The following AKAP7 variants were observed in gnomAD, a reference collection of about 807,000 sequenced individuals.
The protein encoded by AKAP7 is A kinase (PRKA) anchor protein 7.
AKAP7 carries 39 observed loss-of-function variants against 39.5 expected under a neutral mutation model. That is an observed-to-expected ratio of 0.99 (90% CI 0.76 to 1.29). The LOEUF (loss-of-function observed/expected upper bound fraction) is 1.29, where lower values mean the gene tolerates loss of function less well. Ranked by LOEUF, AKAP7 falls within the 50% of genes most tolerant of loss-of-function variation. The pLI is 0.00. For missense variants in AKAP7, 414 were observed against 407.7 expected (o/e 1.02, Z -0.13); for synonymous variants, 140 against 139.1 (o/e 1.01, Z -0.05).
At chr6:131,271,605 A>C (rs1562257628) in intron 7 of AKAP7, among the ~76,000 whole-genome samples, 1 of 152,104 alleles carries the variant, frequency 6.6e-6, no homozygotes, top group Non-Finnish European at 1.5e-5. Flanking sequence ...GCTGGAGTGC[A>C]GTAGTGCCGT....
At chr6:131,261,160 C>A (rs553612748) in intron 7 of AKAP7, among the ~76,000 whole-genome samples, 1 of 149,136 alleles carries the variant, frequency 6.7e-6, no homozygotes, top group Non-Finnish European at 1.5e-5. Flanking sequence ...TGCACCATTG[C>A]GCAACAAGAG....
intron 7 of AKAP7, among the ~76,000 whole-genome samples, chr6:131,241,617 G>GTATATATACGTATATATATATA (rs1562238097): frequency 9.3e-5 from 9 of 97,216 alleles, no homozygotes; most frequent in African/African-American, 3.2e-4. Context: ...GTGTGTGTGT[G>GTATATATACGTATATATATATA]TGTGTGTGTG....
intron 7 of AKAP7, among the ~76,000 whole-genome samples, chr6:131,234,065 T>C (rs1397425544): frequency 6.6e-6 from 1 of 152,218 alleles, no homozygotes; most frequent in African/African-American, 2.4e-5. Context: ...TTAGGATTCA[T>C]TGATACTGCC....
At chr6:131,238,289 G>C (rs1269533537) in intron 7 of AKAP7, among the ~76,000 whole-genome samples, 4 of 152,132 alleles carry the variant, frequency 2.6e-5, no homozygotes, top group Non-Finnish European at 5.9e-5. Flanking sequence ...TATAATTTCT[G>C]TTCTTTTACA....
At chr6:131,151,845 CAAG>C (rs1433346489) in intron 2 of AKAP7, among the ~76,000 whole-genome samples, 5 of 152,096 alleles carry the variant, frequency 3.3e-5, no homozygotes, top group Non-Finnish European at 7.4e-5. Flanking sequence ...GCCTAAATAA[CAAG>C]AAAAAATAAA....
At chr6:131,141,899 C>CTTTTTTTTTTTTTT (rs773131426) in intron 1 of AKAP7, among the ~76,000 whole-genome samples, 1 of 116,234 alleles carries the variant, frequency 8.6e-6, no homozygotes. Flanking sequence ...TTCTTTCTTT[C>CTTTTTTTTTTTTTT]TTTTTTTTTT....
At chr6:131,247,188 G>A (rs1046452546) in intron 7 of AKAP7, among the ~76,000 whole-genome samples, 8 of 144,802 alleles carry the variant, frequency 5.5e-5, no homozygotes, top group Non-Finnish European at 1.0e-4. Flanking sequence ...TTCACTTAAT[G>A]CTTATGAAAA....
At position 131,219,807 on chromosome 6, in the gene AKAP7, T is replaced by G. The variant is rs765730212; in HGVS notation, c.849T>G (p.Ile283Met). 3.3e-6 allele frequency: 5 copies of G among 1,503,948 alleles called. No individual in the cohort carries two copies. The allele number at this position is 1,503,948 out of a possible 1,614,324, so 93.2% of individuals were successfully genotyped here. A position where few individuals can be genotyped will look rare whatever the true frequency, so the allele number is the denominator to read the frequency against. ...GYYHCESSIV[I>M]GEKNGGEPDD... ...ATCACTGTGAATCTTCCATTGTGAT[T>G]GGTGAGTGTCATTTAAAAATTATTT... Residue 283 changes from isoleucine to methionine, a missense_variant and splice_region_variant, in exon 7 of 8, where the codon ATT becomes ATG. Coordinates refer to ENST00000431975, the MANE Select transcript of AKAP7 (RefSeq NM_016377.4).
chr6:131,215,457 G>A (rs1809085258), intron 6 of AKAP7, among the ~76,000 whole-genome samples: 1 of 152,256 alleles, frequency 6.6e-6, no homozygotes, highest in African/African-American at 2.4e-5. Context: ...ACAGGCTGGG[G>A]TGGAACTGAG....
Position 131,271,770 on chromosome 6 carries a change from G to A in AKAP7, c.851-9760G>A, listed in dbSNP as rs140440313. ...GAGTCAAATGACAGGGTAACCATTC[G>A]TAGGGAGTCTGTTTAGAATAAAAAA... On this transcript the variant is annotated intron_variant, in intron 7 of 7. Coordinates refer to ENST00000431975, the MANE Select transcript of AKAP7 (RefSeq NM_016377.4). Among the ~76,000 whole-genome samples the A allele has an allele frequency of 2.8e-4, 42 of 152,254 alleles. No individual in the cohort carries two copies. In the East Asian group the frequency reaches 7.5e-3, roughly 27 times the overall value.
chr6:131,281,515 T>A lies in AKAP7; in HGVS notation c.851-15T>A, dbSNP rs750425273. The A allele has an allele frequency of 5.0e-6, 8 of 1,585,934 alleles. No homozygotes were observed. Among genetic ancestry groups the A allele is most frequent in the Non-Finnish European group, 6.0e-6 (7 of 1,165,490 alleles). ...TGTGATCTCAGTGACCTCTCTTCTC[T>A]ATTGTGGAATGTAGGTGAAAAGAAC... On this transcript the variant is annotated splice_polypyrimidine_tract_variant and intron_variant, in intron 7 of 7. Transcript: ENST00000431975. The surrounding 1 kb of genome is among the most constrained non-coding windows in gnomAD (Gnocchi z 4.0).
chr6:131,219,553 G>T, intron 6 of AKAP7, 108 bp from the exon 7 acceptor site: 1 of 986,328 alleles, frequency 1.0e-6, no homozygotes, highest in Non-Finnish European at 1.5e-6. Context: ...GTAGGCAGTG[G>T]TGTAACAATG....
chr6:131,259,504 A>G (rs1311940062), intron 7 of AKAP7, among the ~76,000 whole-genome samples: 1 of 152,202 alleles, frequency 6.6e-6, no homozygotes, highest in African/African-American at 2.4e-5. Flanking sequence ...GTTGTTTTGT[A>G]TGGCTCTAGG....
At chr6:131,150,154 T>C (rs190173253) in intron 2 of AKAP7, among the ~76,000 whole-genome samples, 158 of 152,276 alleles carry the variant, frequency 1.0e-3, no homozygotes, top group African/African-American at 3.4e-3. Context: ...TTGATTTTCT[T>C]TTTTTTGTGT....
At chr6:131,158,561 G>A (rs1287855249) in intron 2 of AKAP7, among the ~76,000 whole-genome samples, 1 of 152,174 alleles carries the variant, frequency 6.6e-6, no homozygotes, top group Non-Finnish European at 1.5e-5. Flanking sequence ...AGGCTGGAGT[G>A]CAGTGGCATC....
intron 5 of AKAP7, chr6:131,185,105 C>T (rs1027806129): frequency 1.1e-5 from 7 of 653,024 alleles, no homozygotes; most frequent in Middle Eastern, 2.6e-4. Context: ...TACCTCGCTT[C>T]CCCAGGGGGT....
chr6:131,165,321 C>T, intron 4 of AKAP7, 104 bp downstream of exon 4: 1 of 782,494 alleles, frequency 1.3e-6, no homozygotes, highest in East Asian at 2.8e-5. Flanking sequence ...AAGAAGTAGT[C>T]TCTATACAAT....
intron 2 of AKAP7, among the ~76,000 whole-genome samples, chr6:131,158,996 G>A (rs914852720): frequency 1.7e-4 from 26 of 152,094 alleles, no homozygotes; most frequent in African/African-American, 6.3e-4. Context: ...AGAATTGTTA[G>A]ATGTTGTAAA....
intron 6 of AKAP7, among the ~76,000 whole-genome samples, chr6:131,213,872 G>A (rs1015025265): frequency 3.9e-5 from 6 of 152,182 alleles, no homozygotes; most frequent in Non-Finnish European, 7.4e-5. Context: ...CAGTGTTCTA[G>A]CGCTGTGCTT....
Sources: gnomAD v4.1 joint callset for allele counts (sites outside exome capture counted in the v4.1 genomes callset) on GRCh38, gnomAD v4.1.1 for gene constraint, Gnocchi (gnomAD v3.1) non-coding constraint, MANE v1.5 for transcripts, NCBI Gene and HGNC (gene_info 2026-07-23, HGNC 2026-07-21) for gene names.